GALNTL6: variants seen among roughly 807,000 people sequenced by gnomAD.
GALNTL6 encodes the protein polypeptide N-acetylgalactosaminyltransferase-like 6.
GALNTL6 carries 46 observed loss-of-function variants against 73.7 expected under a neutral mutation model. The ratio of observed to expected loss-of-function variants is 0.62; its 90% CI spans 0.49 to 0.80. GALNTL6 has a LOEUF of 0.80. GALNTL6 is among the 30% of genes least tolerant of loss of function. The pLI is 0.00. For synonymous variants in GALNTL6, 259 were observed against 263.7 expected, an observed-to-expected ratio of 0.98 and a Z score of 0.17; for missense variants, 604 against 755.0, an observed-to-expected ratio of 0.80 and a Z score of 2.34.
At position 171,859,717 on chromosome 4, in the gene GALNTL6, T is replaced by C. The variant is rs74896286; in HGVS notation, c.138+44999T>C. 8.5e-3 allele frequency among the ~76,000 whole-genome samples: 1,289 copies of C among 152,304 alleles called. 28 individuals are homozygous for C. Among genetic ancestry groups the C allele is most frequent in the African/African-American group, 0.03 (1,230 of 41,568 alleles). On this transcript the variant is annotated intron_variant, in intron 2 of 12. Coordinates refer to ENST00000506823, the MANE Select transcript of GALNTL6 (RefSeq NM_001034845.3). ...GACAGCACATGCTAAGTGTCATCAA[T>C]CAGTAAAGCTTACCTGAGCTTTGGT...
chr4:172,579,158 T>C (rs143119076), intron 5 of GALNTL6, among the ~76,000 whole-genome samples: 1,617 of 152,362 alleles, frequency 0.011, 15 homozygotes, highest in Middle Eastern at 0.048. Context: ...GACAGAATTC[T>C]ATGTTTGTCC....
chr4:172,073,870 A>G (rs1731627836), intron 2 of GALNTL6, among the ~76,000 whole-genome samples: 1 of 152,202 alleles, frequency 6.6e-6, no homozygotes, highest in African/African-American at 2.4e-5. Context: ...TCTGTAAGTC[A>G]AAGCAATTGA....
chr4:171,870,156 G>C (rs1465299377), intron 2 of GALNTL6, among the ~76,000 whole-genome samples: 1 of 152,176 alleles, frequency 6.6e-6, no homozygotes, highest in Non-Finnish European at 1.5e-5. Context: ...TTTGTAAATA[G>C]CTGCATTACC....
At chr4:172,963,403 A>C (rs1050309120) in intron 10 of GALNTL6, among the ~76,000 whole-genome samples, 2 of 152,120 alleles carry the variant, frequency 1.3e-5, no homozygotes, top group Non-Finnish European at 2.9e-5. Context: ...TCACTATATA[A>C]CAAGCCATGT....
Position 173,021,547 on chromosome 4 carries a change from T to C in GALNTL6, c.1560T>C (p.Asp520=), listed in dbSNP as rs764063015. The C allele has an allele frequency of 9.3e-6, 15 of 1,614,018 alleles. 1 individual carries two copies. In the South Asian group the frequency reaches 1.4e-4, roughly 15 times the overall value. ...EPLHTRKFCF[D]AISHNSPVTL... is the part of the protein sequence containing the mutation. ...TGCATACCCGGAAATTCTGCTTTGA[T>C]GCGATCTCACACAACAGCCCCGTTA... Residue 520 remains aspartate (D), a synonymous_variant, in exon 12 of 13, where the codon GAT becomes GAC. Transcript: ENST00000506823.
intron 5 of GALNTL6, among the ~76,000 whole-genome samples, chr4:172,481,289 CAGGAGTGAA>C (rs2111482635): frequency 6.6e-6 from 1 of 151,848 alleles, no homozygotes; most frequent in African/African-American, 2.4e-5. Context: ...TCGCAGGCCT[CAGGAGTGAA>C]GCTGCAGACC....
intron 7 of GALNTL6, among the ~76,000 whole-genome samples, chr4:172,853,555 G>A (rs529729516): frequency 1.1e-4 from 17 of 152,214 alleles, no homozygotes; most frequent in Admixed American, 2.0e-4. Flanking sequence ...TGCAAAGATG[G>A]TCATGAATAT....
intron 5 of GALNTL6, among the ~76,000 whole-genome samples, chr4:172,412,098 A>G (rs142351249): frequency 0.021 from 3,144 of 152,156 alleles, 102 homozygotes; most frequent in African/African-American, 0.071. Context: ...GCTGGAGTGC[A>G]GTGGCACGAT....
At chr4:172,457,917 A>G (rs1215886071) in intron 5 of GALNTL6, among the ~76,000 whole-genome samples, 1 of 152,224 alleles carries the variant, frequency 6.6e-6, no homozygotes, top group Non-Finnish European at 1.5e-5. Flanking sequence ...CATTCTTCTC[A>G]GCATCACATC....
chr4:172,527,389 G>T (rs1308546911), intron 5 of GALNTL6, among the ~76,000 whole-genome samples: 4 of 152,144 alleles, frequency 2.6e-5, no homozygotes, highest in Non-Finnish European at 1.5e-5. Flanking sequence ...TAAAATTATT[G>T]TAAGTTATAA....
intron 3 of GALNTL6, among the ~76,000 whole-genome samples, chr4:172,291,475 T>C (rs1739467860): frequency 6.6e-6 from 1 of 152,152 alleles, no homozygotes; most frequent in Admixed American, 6.6e-5. Context: ...ACATTATAAT[T>C]GTTAGTATGA....
rs70941375 is a variant in GALNTL6 at position 172,015,923 on chromosome 4, A to AT, written c.138+201238dup. 6.2e-3 allele frequency among the ~76,000 whole-genome samples: 272 copies of AT among 44,082 alleles called. 5 individuals are homozygous for AT. The highest frequency in any genetic ancestry group is 7.5e-3 in the African/African-American group (96 of 12,858). The allele number at this position is 44,082 out of a possible 152,430, so 28.9% of individuals were successfully genotyped here. A position where few individuals can be genotyped will look rare whatever the true frequency, so the allele number is the denominator to read the frequency against. Reference sequence around the variant, plus strand: ...AGAAATCAGCTGATAATCTAATAGGATTTTTTTTTTTTTTTTTTTTTTTTT... The same window carrying AT: ...AGAAATCAGCTGATAATCTAATAGGATTTTTTTTTTTTTTTTTTTTTTTTTT... On this transcript the variant is annotated intron_variant, in intron 2 of 12. Coordinates refer to ENST00000506823, the MANE Select transcript of GALNTL6 (RefSeq NM_001034845.3).
At chr4:171,937,743 G>A (rs547367171) in intron 2 of GALNTL6, among the ~76,000 whole-genome samples, 2 of 152,114 alleles carry the variant, frequency 1.3e-5, no homozygotes, top group Non-Finnish European at 2.9e-5. Flanking sequence ...TGGTTACATA[G>A]GCAAATGAAA....
In GALNTL6 at chr4:172,126,742, T is replaced by G. The variant is rs888521770; in HGVS notation, c.139-102914T>G. Among the ~76,000 whole-genome samples, 4 of 152,132 alleles carry G rather than the reference T, an allele frequency of 2.6e-5. No homozygotes were observed. In the South Asian group the frequency reaches 6.2e-4, roughly 24 times the overall value. ...GGAGCTCACACTGGGTTTCACACAA[T>G]CTCAGCCCAAAGCAGGTACAGCCAT... On this transcript the variant is annotated intron_variant, in intron 2 of 12. Transcript: ENST00000506823.
chr4:171,962,791 G>A (rs1739264233), intron 2 of GALNTL6, among the ~76,000 whole-genome samples: 1 of 82,870 alleles, frequency 1.2e-5, no homozygotes, highest in Non-Finnish European at 2.2e-5. Context: ...TTTGTGAGAT[G>A]ATGTCTCGCT....
At chr4:172,449,881 G>T (rs1732149287) in intron 5 of GALNTL6, among the ~76,000 whole-genome samples, 1 of 152,082 alleles carries the variant, frequency 6.6e-6, no homozygotes, top group African/African-American at 2.4e-5. Flanking sequence ...AAGTCCAGTA[G>T]GCAACTCCAA....
At chr4:172,491,538 T>C (rs1248074633) in intron 5 of GALNTL6, among the ~76,000 whole-genome samples, 1 of 152,080 alleles carries the variant, frequency 6.6e-6, no homozygotes, top group African/African-American at 2.4e-5. Flanking sequence ...GTGAAAAATC[T>C]GGACTGGAAG....
At chr4:172,264,029 T>C (rs1738347240) in intron 3 of GALNTL6, among the ~76,000 whole-genome samples, 1 of 151,340 alleles carries the variant, frequency 6.6e-6, no homozygotes. Context: ...CTAATATCAC[T>C]ACATTTTTTA....
At chr4:172,112,811 C>T (rs1732889864) in intron 2 of GALNTL6, among the ~76,000 whole-genome samples, 3 of 151,522 alleles carry the variant, frequency 2.0e-5, no homozygotes, top group Admixed American at 2.0e-4. Context: ...TAAAAGAGGC[C>T]CCACAAAGAG....
Sources: gnomAD v4.1 joint callset for allele counts (sites outside exome capture counted in the v4.1 genomes callset) on GRCh38, gnomAD v4.1.1 for gene constraint, MANE v1.5 for transcripts, NCBI Gene and HGNC (gene_info 2026-07-23, HGNC 2026-07-21) for gene names.